Variants in FBXO46 observed in about 807,000 individuals in gnomAD.
FBXO46 encodes the protein F-box protein 46.
FBXO46 carries 13 observed loss-of-function variants against 30.7 expected under a neutral mutation model. The observed-to-expected ratio is 0.42, with a 90% CI of 0.28 to 0.67. FBXO46 has a LOEUF of 0.67. Ranked by LOEUF, FBXO46 falls within the 30% of genes least tolerant of loss-of-function variation. The probability of loss-of-function intolerance (pLI) is 0.21; values close to 1 mark genes in which losing one functional copy is unlikely to be tolerated. For synonymous variants in FBXO46, 467 were observed against 385.8 expected, an observed-to-expected ratio of 1.21 and a Z score of -2.47; for missense variants, 754 against 871.5, an observed-to-expected ratio of 0.87 and a Z score of 1.70.
At position 45,713,828 on chromosome 19, in the gene FBXO46, C is replaced by T. The variant is rs376339464; in HGVS notation, c.-78-255G>A. Among the ~76,000 whole-genome samples the T allele has an allele frequency of 7.8e-4, 118 of 152,078 alleles. No homozygotes were observed. The South Asian group carries it at 0.019, about 25-fold the overall frequency. ...ACTAAAAATACAAAAATGTGCTGGG[C>T]GTGATAGTCCACGCCTGTAATCCAA... On this transcript the variant is annotated intron_variant, in intron 1 of 1. Coordinates refer to ENST00000317683, the MANE Select transcript of FBXO46 (RefSeq NM_001080469.2). This position sits in a 1 kb window ranked among gnomAD's most constrained non-coding sequence, Gnocchi z 4.7.
At chr19:45,732,128 A>AAAG (rs556010465), upstream of FBXO46, among the ~76,000 whole-genome samples, 119 of 151,278 alleles carry the variant, frequency 7.9e-4, no homozygotes, top group Non-Finnish European at 1.4e-3. Flanking sequence ...AAAAAAAAAA[A>AAAG]AAGAAGAAGA....
At chr19:45,728,032 G>A (rs929187662) in intron 1 of FBXO46, among the ~76,000 whole-genome samples, 1 of 152,190 alleles carries the variant, frequency 6.6e-6, no homozygotes, top group Non-Finnish European at 1.5e-5. Context: ...CACCTCCTGG[G>A]TTCAAGAGAT....
chr19:45,713,989 AAAG>A lies in FBXO46; in HGVS notation c.-78-419_-78-417del, dbSNP rs917634668. Among the ~76,000 whole-genome samples, 12 of 150,556 alleles carry A rather than the reference AAAG, an allele frequency of 8.0e-5. No homozygotes were observed. The highest frequency in any genetic ancestry group is 2.7e-4 in the African/African-American group (11 of 41,026). ...GTCTCAAAAAAAAAAAAAAAAAAAAAAAGAACTCTATTCCCACTGCCATGCTCA... is the reference window on the plus strand; with the variant it reads ...GTCTCAAAAAAAAAAAAAAAAAAAAAAACTCTATTCCCACTGCCATGCTCA... On this transcript the variant is annotated intron_variant, in intron 1 of 1. Transcript: ENST00000317683. The surrounding 1 kb of genome is among the most constrained non-coding windows in gnomAD (Gnocchi z 4.7).
intron 1 of FBXO46, among the ~76,000 whole-genome samples, chr19:45,720,818 A>AT (rs778982058): frequency 4.2e-4 from 63 of 151,372 alleles, no homozygotes; most frequent in Admixed American, 1.1e-3. Flanking sequence ...CAATATAAAC[A>AT]TCATCCTGGC....
chr19:45,713,685 TG>T lies in FBXO46; in HGVS notation c.-78-113del, dbSNP rs1490966742. 1.9e-6 allele frequency: 1 copy of T among 518,468 alleles called. No homozygotes were observed. The highest frequency in any genetic ancestry group is 1.9e-5 in the African/African-American group (1 of 51,546). The allele number at this position is 518,468 out of a possible 1,614,324, so 32.1% of individuals were successfully genotyped here. ...ACCAGACCATCAAGAACTCTATTCC[TG>T]GCTGGGCGCGGTGGCTCACGCCTGT... is the stretch of plus-strand genomic sequence containing the variant. On this transcript the variant is annotated intron_variant, in intron 1 of 1. Coordinates refer to ENST00000317683, the MANE Select transcript of FBXO46 (RefSeq NM_001080469.2). This position sits in a 1 kb window ranked among gnomAD's most constrained non-coding sequence, Gnocchi z 4.7.
intron 1 of FBXO46, among the ~76,000 whole-genome samples, chr19:45,730,059 T>C (rs1968289038): frequency 6.6e-6 from 1 of 152,154 alleles, no homozygotes; most frequent in Non-Finnish European, 1.5e-5. Context: ...ATGCTTGCTG[T>C]TCCCATACTA....
Position 45,711,693 on chromosome 19 carries a change from C to G in FBXO46, c.1803G>C (p.Glu601Asp). The G allele has an allele frequency of 6.5e-7, 1 of 1,530,434 alleles. No individual in the cohort carries two copies. Among genetic ancestry groups the G allele is most frequent in the Non-Finnish European group, 8.8e-7 (1 of 1,142,000 alleles). 94.8% of individuals were successfully genotyped at this position (1,530,434 alleles called of 1,614,324 possible). A position where few individuals can be genotyped will look rare whatever the true frequency, so the allele number is the denominator to read the frequency against. ...CTCCCCTCCCCCGGCTTCACCTCCC[C>G]TCCTCCCGGCCGGCCCGGCCCCCGC... ...GPGGGRAGRE[E>D]GR Residue 601 changes from glutamate (E) to aspartate (D), a missense_variant, in exon 2 of 2, where the codon GAG becomes GAC. Around this residue, in one of 5 missense-constraint regions of FBXO46, gnomAD observed 162 missense variants for 258.7 expected, o/e 0.63. Transcript: ENST00000317683.
chr19:45,730,732 C>T (rs978390549), intron 1 of FBXO46, 117 bp downstream of exon 1: 1 of 152,992 alleles, frequency 6.5e-6, no homozygotes, highest in African/African-American at 2.4e-5. Context: ...TCCTCTCCCC[C>T]AGGCAATCTC....
chr19:45,716,956 T>C (rs1968099102), intron 1 of FBXO46: 1 of 152,158 alleles, frequency 6.6e-6, no homozygotes, highest in East Asian at 1.9e-4. Context: ...CTCGGGCTCT[T>C]TGCTTCTGTC....
chr19:45,722,749 C>G lies in FBXO46; in HGVS notation c.-79+8100G>C, dbSNP rs891427103. On this transcript the variant is annotated intron_variant, in intron 1 of 1. Transcript: ENST00000317683. ...TGCACTCCAGCCTGGGCGACAGAGCCAGACTCCGTCTCAAAAAAAAAAAAA... is the reference window on the plus strand; with the variant it reads ...TGCACTCCAGCCTGGGCGACAGAGCGAGACTCCGTCTCAAAAAAAAAAAAA... Among the ~76,000 whole-genome samples the G allele has an allele frequency of 7.8e-4, 110 of 140,408 alleles. 3 individuals are homozygous for G. Among genetic ancestry groups the G allele is most frequent in the African/African-American group, 2.5e-3 (96 of 37,738 alleles). 92.1% of individuals were successfully genotyped at this position (140,408 alleles called of 152,430 possible).
chr19:45,711,420 G>A lies in FBXO46; in HGVS notation c.*264C>T, dbSNP rs1408038461. The A allele has an allele frequency of 4.7e-6, 3 of 641,380 alleles. No homozygotes were observed. Among genetic ancestry groups the A allele is most frequent in the Admixed American group, 2.1e-5 (1 of 46,948 alleles). The allele number at this position is 641,380 out of a possible 1,614,324, so 39.7% of individuals were successfully genotyped here. A position where few individuals can be genotyped will look rare whatever the true frequency, so the allele number is the denominator to read the frequency against. On this transcript the variant is annotated 3_prime_UTR_variant, in exon 2 of 2. Transcript: ENST00000317683. Reference sequence around the variant, plus strand: ...GGCAGGGAGGGGGTTGGGGCTGAATGGAGAAGAAAGTGAGATGCTGATAAA... The same window carrying A: ...GGCAGGGAGGGGGTTGGGGCTGAATAGAGAAGAAAGTGAGATGCTGATAAA...
chr19:45,720,468 C>T (rs1968154005), intron 1 of FBXO46, among the ~76,000 whole-genome samples: 1 of 151,988 alleles, frequency 6.6e-6, no homozygotes. Flanking sequence ...AGGGTTTCAC[C>T]ATGTTGATCA....
chr19:45,732,927 C>T (rs186845992), upstream of FBXO46, among the ~76,000 whole-genome samples: 1 of 151,870 alleles, frequency 6.6e-6, no homozygotes, highest in Non-Finnish European at 1.5e-5. Flanking sequence ...ACCGAGTTCC[C>T]GTCTCACCGG....
Position 45,713,374 on chromosome 19 carries a change from C to G in FBXO46, c.122G>C (p.Gly41Ala). Residue 41 changes from glycine to alanine, a missense_variant, in exon 2 of 2, where the codon GGT (glycine) becomes GCT (alanine). By Grantham distance (60) the Gly-to-Ala change is moderately conservative. Transcript: ENST00000317683. This position sits in a 1 kb window ranked among gnomAD's most constrained non-coding sequence, Gnocchi z 4.7. ...ALKPSACPEP[G>A]GGAEPDHGPA... Reference sequence around the variant, plus strand: ...CCCATGGTCTGGCTCGGCCCCGCCACCAGGCTCAGGGCAGGCTGATGGCTT... The same window carrying G: ...CCCATGGTCTGGCTCGGCCCCGCCAGCAGGCTCAGGGCAGGCTGATGGCTT... 1 of 1,612,324 alleles carries G rather than the reference C, an allele frequency of 6.2e-7. No individual in the cohort carries two copies. Among genetic ancestry groups the G allele is most frequent in the Non-Finnish European group, 8.5e-7 (1 of 1,179,020 alleles).
At chr19:45,731,997 G>C (rs1359819492), upstream of FBXO46, among the ~76,000 whole-genome samples, 1 of 151,678 alleles carries the variant, frequency 6.6e-6, no homozygotes, top group Non-Finnish European at 1.5e-5. Flanking sequence ...GGTGCCTGTA[G>C]TCCCAGCTAC....
intron 1 of FBXO46, chr19:45,714,728 G>C (rs561222778): frequency 6.6e-6 from 1 of 151,806 alleles, no homozygotes; most frequent in Non-Finnish European, 1.5e-5. Flanking sequence ...CCATCTCTAC[G>C]AAAAAAGATA....
chr19:45,726,084 G>A (rs1042152135), intron 1 of FBXO46, among the ~76,000 whole-genome samples: 2 of 152,182 alleles, frequency 1.3e-5, no homozygotes, highest in African/African-American at 2.4e-5. Flanking sequence ...GCTCATGCCT[G>A]TAATTTCAAC....
In FBXO46 at chr19:45,712,702, ATGCGGAAGG is replaced by A. The variant is rs1968010724; in HGVS notation, c.785_793del (p.Ala262_Ile265delinsVal). ...TGCACGGGGCTCCCGGCCGTTGGAG[ATGCGGAAGG>A]CGATGCGCACCTCCCCAGGGCCTGG... On this transcript the variant is annotated inframe_deletion, in exon 2 of 2. Transcript: ENST00000317683. This position sits in a 1 kb window ranked among gnomAD's most constrained non-coding sequence, Gnocchi z 8.8. 6.2e-7 allele frequency: 1 copy of A among 1,612,374 alleles called. No individual in the cohort carries two copies. The highest frequency in any genetic ancestry group is 8.5e-7 in the Non-Finnish European group (1 of 1,179,382).
intron 1 of FBXO46, chr19:45,716,257 T>G (rs1013094337): frequency 1.9e-4 from 29 of 152,052 alleles, no homozygotes; most frequent in African/African-American, 7.0e-4. Flanking sequence ...GATTTTCGGG[T>G]AAGGGATACT....
Sources: gnomAD v4.1 joint callset for allele counts (sites outside exome capture counted in the v4.1 genomes callset) on GRCh38, gnomAD v4.1.1 for gene constraint, gnomAD v4.1.1 regional missense constraint, Gnocchi (gnomAD v3.1) non-coding constraint, MANE v1.5 for transcripts, NCBI Gene and HGNC (gene_info 2026-07-23, HGNC 2026-07-21) for gene names.